The following BNC1 variants were observed in gnomAD, a reference collection of about 807,000 sequenced individuals.
BNC1 encodes basonuclin zinc finger protein 1.
A neutral mutation model predicts 66.5 loss-of-function variants in BNC1; 8 were observed. The ratio of observed to expected loss-of-function variants is 0.12; its 90% confidence interval spans 0.07 to 0.22. The LOEUF is 0.22. Among genes scored for constraint, BNC1 ranks in the 10% least tolerant of loss-of-function variants. BNC1 has a pLI of 1.00. For synonymous variants in BNC1, 454 were observed against 452.6 expected (o/e 1.00, Z -0.04); for missense variants, 1,069 against 1,241.3 (o/e 0.86, Z 2.09).
At chr15:83,284,253 C>T (rs960260232) in intron 1 of BNC1, among the ~76,000 whole-genome samples, 4 of 152,088 alleles carry the variant, frequency 2.6e-5, no homozygotes, top group Non-Finnish European at 5.9e-5. Context: ...CCGCCGGCAC[C>T]TCCGACGCGC....
Position 83,257,402 on chromosome 15 carries a change from T to A in BNC1, c.*40A>T. 6.5e-6 allele frequency: 10 copies of A among 1,544,434 alleles called. No homozygotes were observed. The highest frequency in any genetic ancestry group is 8.8e-6 in the Non-Finnish European group (10 of 1,138,830). On this transcript the variant is annotated 3_prime_UTR_variant, in exon 5 of 5. Transcript: ENST00000345382. ...TATGGACTACTTTATTCCTGAATTATGAAAAAAGCTTATCTGAGCATACTT... is the reference window on the plus strand; with the variant it reads ...TATGGACTACTTTATTCCTGAATTAAGAAAAAAGCTTATCTGAGCATACTT...
intron 1 of BNC1, chr15:83,283,102 C>A: frequency 6.5e-7 from 1 of 1,534,080 alleles, no homozygotes; most frequent in Non-Finnish European, 8.7e-7. Context: ...TTCACTCACA[C>A]AATTAAGGCT....
intron 1 of BNC1, among the ~76,000 whole-genome samples, chr15:83,281,687 C>T (rs2038380241): frequency 6.6e-6 from 1 of 152,222 alleles, no homozygotes; most frequent in South Asian, 2.1e-4. Flanking sequence ...GCCCCCCACT[C>T]CATAAGCTGC....
In BNC1 at chr15:83,264,640, A is replaced by G. The variant is rs765671123; in HGVS notation, c.611T>C (p.Ile204Thr). ...ACTGCAGCTCTCGATGAAAGCCCTG[A>G]TATCTACATTTGCTGTGGAAGGTGG... ...IIPPSTANVD[I>T]RAFIESCSHR... Residue 204 changes from isoleucine (I) to threonine (T), a missense_variant, in exon 4 of 5, where the codon ATC becomes ACC. Physicochemically the swap from Ile to Thr is moderately conservative, Grantham distance 89 (BLOSUM62 -1). Around this residue, in one of 7 missense-constraint regions of BNC1, gnomAD observed 181 missense variants for 181.5 expected, o/e 1.00. Coordinates refer to ENST00000345382, the MANE Select transcript of BNC1 (RefSeq NM_001717.4). The G allele has an allele frequency of 2.5e-6, 4 of 1,614,182 alleles. No homozygotes were observed. The highest frequency in any genetic ancestry group is 3.3e-5 in the Admixed American group (2 of 60,028).
chr15:83,281,866 G>A (rs2038382080), intron 1 of BNC1, among the ~76,000 whole-genome samples: 3 of 152,202 alleles, frequency 2.0e-5, no homozygotes, highest in Admixed American at 1.3e-4. Flanking sequence ...TTTCCAATCT[G>A]ATGATCTTGA....
At position 83,268,378 on chromosome 15, in the gene BNC1, T is replaced by G. The variant is rs2038238076; in HGVS notation, c.100-146A>C. The G allele has an allele frequency of 1.3e-5, 9 of 699,450 alleles. No homozygotes were observed. The South Asian group carries it at 1.7e-4, about 13-fold the overall frequency. The allele number at this position is 699,450 out of a possible 1,614,324, so 43.3% of individuals were successfully genotyped here. On this transcript the variant is annotated intron_variant, in intron 1 of 4. Coordinates refer to ENST00000345382, the MANE Select transcript of BNC1 (RefSeq NM_001717.4). ...GTGTGCCAGGCCCAGAAGTGTATAT[T>G]GTACTCTGGAAAGATGAGCAGCCAC...
At chr15:83,277,609 A>G (rs972735228) in intron 1 of BNC1, among the ~76,000 whole-genome samples, 2 of 152,104 alleles carry the variant, frequency 1.3e-5, no homozygotes, top group African/African-American at 4.8e-5. Context: ...GCGCCTGGCC[A>G]GTTTTTTCTA....
intron 3 of BNC1, among the ~76,000 whole-genome samples, chr15:83,266,385 T>A (rs2038218688): frequency 6.6e-6 from 1 of 151,196 alleles, no homozygotes. Context: ...AGAACATCAG[T>A]GAGATGGCAG....
intron 1 of BNC1, among the ~76,000 whole-genome samples, chr15:83,284,048 G>A (rs1427617810): frequency 5.3e-5 from 8 of 151,658 alleles, no homozygotes; most frequent in African/African-American, 1.7e-4. Flanking sequence ...AATCCCCGGA[G>A]AGAAAGACGG....
chr15:83,267,046 G>T lies in BNC1; in HGVS notation c.225C>A (p.Pro75=). The part of the protein sequence containing the change: ...AHALSKLRIP[P]MYPTSQVEIV... ...TCTCCACCTGGCTTGTTGGATACAT[G>T]GGGGGGATCCTTAGCTTACTTAGAG... The change falls in exon 3 of 5, where the codon CCC becomes CCA. Residue 75 remains proline, a synonymous_variant. Transcript: ENST00000345382. The T allele has an allele frequency of 6.2e-7, 1 of 1,612,816 alleles. No individual in the cohort carries two copies. Among genetic ancestry groups the T allele is most frequent in the Non-Finnish European group, 8.5e-7 (1 of 1,178,930 alleles).
intron 1 of BNC1, among the ~76,000 whole-genome samples, chr15:83,280,639 T>C (rs887229800): frequency 6.1e-4 from 93 of 152,178 alleles, no homozygotes; most frequent in African/African-American, 2.2e-3. Context: ...ATGCTAAGAG[T>C]TGACAGTATA....
chr15:83,257,915 G>C lies in BNC1; in HGVS notation c.2512C>G (p.His838Asp). The change falls in exon 5 of 5, where the codon CAC becomes GAC. Residue 838 changes from histidine to aspartate, a missense_variant. Physicochemically the swap from His to Asp is moderately conservative, Grantham distance 81. Around this residue, in one of 7 missense-constraint regions of BNC1, gnomAD observed 657 missense variants for 715.8 expected, o/e 0.92. Coordinates refer to ENST00000345382, the MANE Select transcript of BNC1 (RefSeq NM_001717.4). Reference sequence around the variant, plus strand: ...TTGTAGCTCTCCAGGCTGGCACTGTGGACTTGCGTTATTGGGTAAACCAGA... The same window carrying C: ...TTGTAGCTCTCCAGGCTGGCACTGTCGACTTGCGTTATTGGGTAAACCAGA... ...GSLVYPITQV[H>D]SASLESYNSG... 6.2e-7 allele frequency: 1 copy of C among 1,614,184 alleles called. No homozygotes were observed. The highest frequency in any genetic ancestry group is 8.5e-7 in the Non-Finnish European group (1 of 1,180,012).
At position 83,263,914 on chromosome 15, in the gene BNC1, G is replaced by A. The variant is rs377611889; in HGVS notation, c.1337C>T (p.Thr446Met). Reference protein sequence around the residue: ...ENYKCPGFTVTSPDCRPPPSY... With the variant: ...ENYKCPGFTVMSPDCRPPPSY... ...GGGAGGAGGCCTACAGTCTGGGGAC[G>A]TCACTGTGAAACCTGGGCACTTGTA... The change falls in exon 4 of 5, where the codon ACG becomes ATG. Residue 446 changes from threonine (T) to methionine (M), a missense_variant. Around this residue, in one of 7 missense-constraint regions of BNC1, gnomAD observed 657 missense variants for 715.8 expected, o/e 0.92. Transcript: ENST00000345382. 22 of 1,614,074 alleles carry A rather than the reference G, an allele frequency of 1.4e-5. No homozygotes were observed. The African/African-American group carries it at 2.0e-4, about 15-fold the overall frequency.
Position 83,277,213 on chromosome 15 carries a change from A to G in BNC1, c.99+7317T>C, listed in dbSNP as rs568931204. On this transcript the variant is annotated intron_variant, in intron 1 of 4. Transcript: ENST00000345382. ...CTTTATTCGCCCTCCCAAATCTCACATAGGCGCATGCCACCATAACCAGCT... is the reference window on the plus strand; with the variant it reads ...CTTTATTCGCCCTCCCAAATCTCACGTAGGCGCATGCCACCATAACCAGCT... Among the ~76,000 whole-genome samples the G allele has an allele frequency of 2.6e-5, 4 of 152,266 alleles. No homozygotes were observed. The East Asian group carries it at 7.7e-4, about 29-fold the overall frequency.
chr15:83,279,861 A>AC (rs1400824135), intron 1 of BNC1, among the ~76,000 whole-genome samples: 1 of 152,258 alleles, frequency 6.6e-6, no homozygotes, highest in East Asian at 1.9e-4. Context: ...ATGAGAGACC[A>AC]AAGACTGAGG....
intron 1 of BNC1, among the ~76,000 whole-genome samples, chr15:83,278,891 C>A (rs1362590459): frequency 6.6e-6 from 1 of 152,092 alleles, no homozygotes; most frequent in Non-Finnish European, 1.5e-5. Context: ...GAAATTCAGA[C>A]CAGGGAGCAC....
At chr15:83,284,506 G>A in intron 1 of BNC1, 24 bp downstream of exon 1, 1 of 1,196,460 alleles carries the variant, frequency 8.4e-7, no homozygotes, top group Non-Finnish European at 1.0e-6. Flanking sequence ...GAATCCCCGC[G>A]CCCGCGGAGG....
At chr15:83,269,440 T>C (rs1409118813) in intron 1 of BNC1, among the ~76,000 whole-genome samples, 2 of 151,972 alleles carry the variant, frequency 1.3e-5, no homozygotes, top group Non-Finnish European at 1.5e-5. Context: ...TGTGTGTGTG[T>C]GTGTGCGCGC....
chr15:83,270,180 TTCACACATACCATATAAC>T (rs1413275649), intron 1 of BNC1, among the ~76,000 whole-genome samples: 7 of 152,224 alleles, frequency 4.6e-5, no homozygotes, highest in African/African-American at 1.4e-4. Flanking sequence ...CGAGATACAA[TTCACACATACCATATAAC>T]TCACCCATTT....
Sources: allele counts gnomAD v4.1 joint callset (sites outside exome capture counted in the v4.1 genomes callset), GRCh38; gene constraint gnomAD v4.1.1; regional missense constraint gnomAD v4.1.1; transcripts MANE v1.5; gene names NCBI Gene and HGNC (gene_info 2026-07-23, HGNC 2026-07-21).